Variants in ATP13A1 observed in about 807,000 individuals in gnomAD.
The protein encoded by ATP13A1 is ATPase 13A1.
In ATP13A1, 55 loss-of-function variants were observed where a neutral mutation model predicts 134.8. The observed-to-expected ratio is 0.41, with a 90% CI of 0.33 to 0.51. The LOEUF (loss-of-function observed/expected upper bound fraction) is 0.51. ATP13A1 is among the 20% of genes least tolerant of loss of function. The pLI is 0.29. For missense variants in ATP13A1, 1,389 were observed against 1,652.8 expected (o/e 0.84, Z 2.77); for synonymous variants, 775 against 725.1 (o/e 1.07, Z -1.10).
In ATP13A1 at chr19:19,653,670, A is replaced by T; in HGVS notation, c.2100+114T>A. 1 of 1,000,798 alleles carries T rather than the reference A, an allele frequency of 1.0e-6. No homozygotes were observed. The highest frequency in any genetic ancestry group is 1.5e-6 in the Non-Finnish European group (1 of 687,712). The allele number at this position is 1,000,798 out of a possible 1,614,324, so 62.0% of individuals were successfully genotyped here. On this transcript the variant is annotated intron_variant, in intron 15 of 25. Transcript: ENST00000357324. The surrounding 1 kb of genome is among the most constrained non-coding windows in gnomAD (Gnocchi z 4.2). ...CAAAGGTAGAAGCTGGAGGCGGGGCAAGGAGGACAAAATCACAACCATTCA... is the reference window on the plus strand; with the variant it reads ...CAAAGGTAGAAGCTGGAGGCGGGGCTAGGAGGACAAAATCACAACCATTCA...
Position 19,663,514 on chromosome 19 carries a change from A to G in ATP13A1, c.153T>C (p.Ala51=). 1.3e-6 allele frequency: 2 copies of G among 1,533,654 alleles called. No homozygotes were observed. Among genetic ancestry groups the G allele is most frequent in the Middle Eastern group, 1.8e-4 (1 of 5,670 alleles). ...CCAACCGCCGGTACGGCCACACGGC[A>G]GCCACCAGCTCGTCACCGTTCGCTA... The part of the protein sequence containing the change: ...ALIANGDELV[A]AVWPYRRLAL... Residue 51 remains alanine, a synonymous_variant, in exon 1 of 26, where the codon GCT becomes GCC. Transcript: ENST00000357324.
intron 19 of ATP13A1, among the ~76,000 whole-genome samples, chr19:19,649,160 A>G (rs1333651503): frequency 6.6e-6 from 1 of 150,982 alleles, no homozygotes; most frequent in Non-Finnish European, 1.5e-5. Flanking sequence ...CACTTAGGTT[A>G]GAGTGGATCA....
At chr19:19,646,129 CCTG>C in intron 23 of ATP13A1, 73 bp downstream of exon 23, 2 of 1,605,264 alleles carry the variant, frequency 1.2e-6, no homozygotes, top group Non-Finnish European at 8.5e-7. Context: ...CCCAGCCTCT[CCTG>C]CTGAAGTCTG....
chr19:19,645,446 G>A lies in ATP13A1; in HGVS notation c.3591C>T (p.Thr1197=), dbSNP rs1222992601. ...ADRVLQFFLG[T]PKLKVPS is the part of the protein sequence containing the mutation. ...CTCAGGAAGGCACTTTCAGCTTCGG[G>A]GTCCCCAGGAAGAACTGCAGGACGC... Residue 1197 remains threonine (T), a synonymous_variant, in exon 26 of 26, where the codon ACC becomes ACT. Transcript: ENST00000357324. The surrounding 1 kb of genome is among the most constrained non-coding windows in gnomAD (Gnocchi z 4.1). 2 of 1,604,822 alleles carry A rather than the reference G, an allele frequency of 1.2e-6. No homozygotes were observed. Among genetic ancestry groups the A allele is most frequent in the Admixed American group, 1.7e-5 (1 of 58,568 alleles).
intron 17 of ATP13A1, chr19:19,650,676 G>A (rs1433079): frequency 0.044 from 6,755 of 152,748 alleles, 268 homozygotes; most frequent in East Asian, 0.19. Context: ...GGGACAGGGG[G>A]AGGCCTGCGA....
chr19:19,657,782 A>C (rs1482558439), intron 3 of ATP13A1, among the ~76,000 whole-genome samples: 1 of 152,156 alleles, frequency 6.6e-6, no homozygotes, highest in Admixed American at 6.5e-5. Context: ...GGAGGCCCTG[A>C]AGCTACAGAC....
At chr19:19,660,076 T>G in intron 1 of ATP13A1, 89 bp from the exon 2 acceptor site, 14 of 1,079,508 alleles carry the variant, frequency 1.3e-5, no homozygotes, top group Non-Finnish European at 1.9e-5. Flanking sequence ...GCAGCAGCTC[T>G]ATGGGTATAT....
intron 1 of ATP13A1, chr19:19,662,288 T>G: frequency 1.0e-6 from 1 of 985,394 alleles, no homozygotes; most frequent in Non-Finnish European, 1.2e-6. Flanking sequence ...GATAGATAAG[T>G]CTTTTTGAAG....
chr19:19,651,620 T>C, intron 17 of ATP13A1, 69 bp downstream of exon 17: 1 of 1,250,922 alleles, frequency 8.0e-7, no homozygotes, highest in East Asian at 2.4e-5. Context: ...ACAGGTGGGC[T>C]GTTGCGATGG....
At chr19:19,660,982 G>A (rs947301788) in intron 1 of ATP13A1, among the ~76,000 whole-genome samples, 10 of 151,820 alleles carry the variant, frequency 6.6e-5, no homozygotes, top group Admixed American at 6.6e-4. Context: ...GGGAGGCTGA[G>A]GCAGAACAAT....
At chr19:19,654,291 G>A in intron 13 of ATP13A1, 147 bp from the exon 14 acceptor site, 2 of 1,040,838 alleles carry the variant, frequency 1.9e-6, no homozygotes, top group South Asian at 1.7e-5. Context: ...TTGGTCCAGA[G>A]CTGGAAGACC....
At position 19,659,773 on chromosome 19, in the gene ATP13A1, CCTCAAGCCCGTCTTCGCCCTGCGGT is replaced by C. The variant is rs1201352696; in HGVS notation, c.487-7_504del. The C allele has an allele frequency of 6.2e-7, 1 of 1,613,760 alleles. No individual in the cohort carries two copies. Among genetic ancestry groups the C allele is most frequent in the African/African-American group, 1.3e-5 (1 of 74,944 alleles). ...ATCTTCTGGAATTCGAAGGACAGCA[CCTCAAGCCCGTCTTCGCCCTGCGGT>C]AGAAGGTGTGTTTGCCACAGAGGCC... On this transcript the variant is annotated splice_acceptor_variant and splice_polypyrimidine_tract_variant and coding_sequence_variant and intron_variant, in exon 3 of 26. Transcript: ENST00000357324. LOFTEE classifies it high-confidence loss of function.
rs547038296 is a variant in ATP13A1 at position 19,656,259 on chromosome 19, G to C, written c.1084-76C>G. The C allele has an allele frequency of 1.1e-5, 17 of 1,531,342 alleles. No individual in the cohort carries two copies. In the Admixed American group the frequency reaches 3.4e-4, roughly 30 times the overall value. The allele number at this position is 1,531,342 out of a possible 1,614,324, so 94.9% of individuals were successfully genotyped here. A position where few individuals can be genotyped will look rare whatever the true frequency, so the allele number is the denominator to read the frequency against. Reference sequence around the variant, plus strand: ...CTCCATCTGAGTTCCTGGACAGCTGGACCTTGAGGCTGGAATGAGCCAGGG... The same window carrying C: ...CTCCATCTGAGTTCCTGGACAGCTGCACCTTGAGGCTGGAATGAGCCAGGG... On this transcript the variant is annotated intron_variant, in intron 7 of 25. Coordinates refer to ENST00000357324, the MANE Select transcript of ATP13A1 (RefSeq NM_020410.3). This position sits in a 1 kb window ranked among gnomAD's most constrained non-coding sequence, Gnocchi z 4.6.
At chr19:19,660,812 G>A (rs2062089881) in intron 1 of ATP13A1, among the ~76,000 whole-genome samples, 1 of 150,470 alleles carries the variant, frequency 6.6e-6, no homozygotes, top group Non-Finnish European at 1.5e-5. Flanking sequence ...GGGTGCAGTG[G>A]CTCACACCTG....
At chr19:19,654,515 T>C (rs768045245) in intron 13 of ATP13A1, 28 bp downstream of exon 13, 3 of 1,577,166 alleles carry the variant, frequency 1.9e-6, no homozygotes, top group East Asian at 2.2e-5. Flanking sequence ...GGCTCCCCCT[T>C]GCTGGGCCTG....
Position 19,663,618 on chromosome 19 carries a change from G to C in ATP13A1, c.49C>G (p.Pro17Ala). 2.2e-6 allele frequency: 3 copies of C among 1,373,570 alleles called. No homozygotes were observed. Among genetic ancestry groups the C allele is most frequent in the Non-Finnish European group, 2.8e-6 (3 of 1,071,168 alleles). 85.1% of individuals were successfully genotyped at this position (1,373,570 alleles called of 1,614,324 possible). A position where few individuals can be genotyped will look rare whatever the true frequency, so the allele number is the denominator to read the frequency against. Residue 17 changes from proline (P) to alanine (A), a missense_variant, in exon 1 of 26, where the codon CCT becomes GCT. This residue lies in a region of ATP13A1 where 293 missense variants were observed against 270.8 expected (regional missense o/e 1.08). Transcript: ENST00000357324. The stretch of plus-strand genomic sequence containing the variant: ...TGCCCGTCAGGCCGGACCCCGCAAG[G>C]CCGGGCCCCGCAGGGCACCGCGTTG... ...VGNAVPCGAR[P>A]CGVRPDGQPK...
At chr19:19,648,532 G>C (rs2062001865) in intron 19 of ATP13A1, among the ~76,000 whole-genome samples, 1 of 150,028 alleles carries the variant, frequency 6.7e-6, no homozygotes, top group Non-Finnish European at 1.5e-5. Context: ...AAAAAGGCCA[G>C]GTGAGGTGGC....
intron 1 of ATP13A1, chr19:19,662,219 C>A: frequency 6.6e-7 from 1 of 1,525,382 alleles, no homozygotes. Context: ...TTATTTTGTC[C>A]CTCATTGGTG....
chr19:19,652,799 G>C, intron 15 of ATP13A1, 79 bp from the exon 16 acceptor site: 1 of 1,491,748 alleles, frequency 6.7e-7, no homozygotes, highest in Non-Finnish European at 8.9e-7. Context: ...CTGACCATGC[G>C]CTGGGAGCCA....
Sources: gnomAD v4.1 joint callset for allele counts (sites outside exome capture counted in the v4.1 genomes callset) on GRCh38, gnomAD v4.1.1 for gene constraint, gnomAD v4.1.1 regional missense constraint, Gnocchi (gnomAD v3.1) non-coding constraint, MANE v1.5 for transcripts, NCBI Gene and HGNC (gene_info 2026-07-23, HGNC 2026-07-21) for gene names.